The following ABCG1 variants were observed in gnomAD, a reference collection of about 807,000 sequenced individuals.
ABCG1 encodes ATP binding cassette subfamily G member 1, also known as ATP-binding cassette sub-family G member 1.
A neutral mutation model predicts 69.2 loss-of-function variants in ABCG1; 29 were observed. That is an observed-to-expected ratio of 0.42 (90% CI 0.31 to 0.57). ABCG1 has a LOEUF of 0.57. Among genes scored for constraint, ABCG1 ranks in the 20% least tolerant of loss-of-function variants. The pLI is 0.15. For missense variants in ABCG1, 718 were observed against 898.1 expected (o/e 0.80, Z 2.56); for synonymous variants, 370 against 374.8 (o/e 0.99, Z 0.15).
intron 2 of ABCG1, among the ~76,000 whole-genome samples, chr21:42,205,591 C>T (rs1225971624): frequency 6.7e-6 from 1 of 150,260 alleles, no homozygotes; most frequent in Non-Finnish European, 1.5e-5. Context: ...GAGCAAGACT[C>T]CATCTCAAAA....
rs1055587345 is a variant in ABCG1 at position 42,276,015 on chromosome 21, G to A, written c.538-880G>A. Among the ~76,000 whole-genome samples the A allele has an allele frequency of 6.2e-5, 4 of 64,502 alleles. No individual in the cohort carries two copies. Among genetic ancestry groups the A allele is most frequent in the Admixed American group, 3.8e-4 (2 of 5,196 alleles). The allele number at this position is 64,502 out of a possible 152,430, so 42.3% of individuals were successfully genotyped here. On this transcript the variant is annotated intron_variant, in intron 4 of 14. Coordinates refer to ENST00000398449, the MANE Select transcript of ABCG1 (RefSeq NM_016818.3). This position sits in a 1 kb window ranked among gnomAD's most constrained non-coding sequence, Gnocchi z 5.3. ...ACACCCCGCCCCCCTCCCCGCCACCGCCCTGCATCTCACCCTCTCCTCTGA... is the reference window on the plus strand; with the variant it reads ...ACACCCCGCCCCCCTCCCCGCCACCACCCTGCATCTCACCCTCTCCTCTGA...
At chr21:42,206,386 A>AT (rs2067543036) in intron 2 of ABCG1, among the ~76,000 whole-genome samples, 1 of 97,786 alleles carries the variant, frequency 1.0e-5, no homozygotes, top group Non-Finnish European at 2.0e-5. Flanking sequence ...AAATAAATAA[A>AT]CAAACAAACA....
intron 13 of ABCG1, among the ~76,000 whole-genome samples, chr21:42,293,036 T>TACACACACACCACACTACACACA (rs2069105287): frequency 2.8e-5 from 2 of 70,846 alleles, no homozygotes; most frequent in African/African-American, 5.7e-5. Flanking sequence ...CACTACACAC[T>TACACACACACCACACTACACACA]ACACACCACA....
intron 2 of ABCG1, chr21:42,256,512 G>A (rs572363911): frequency 2.0e-5 from 31 of 1,549,610 alleles, no homozygotes; most frequent in South Asian, 9.5e-5. Context: ...GGTCACCTGC[G>A]TGCCTGGGTG....
At chr21:42,232,388 G>A (rs1207305112) in intron 2 of ABCG1, among the ~76,000 whole-genome samples, 2 of 152,220 alleles carry the variant, frequency 1.3e-5, no homozygotes, top group Admixed American at 1.3e-4. Flanking sequence ...CCTTAGTGTG[G>A]CGTTGTTAGC....
At chr21:42,265,671 G>A (rs1377772380) in intron 2 of ABCG1, among the ~76,000 whole-genome samples, 4 of 152,204 alleles carry the variant, frequency 2.6e-5, no homozygotes, top group South Asian at 4.1e-4. Flanking sequence ...GCCCTGGAAA[G>A]GGGTCAGCTC....
intron 6 of ABCG1, 133 bp from the exon 7 acceptor site, chr21:42,284,427 G>A: frequency 9.0e-7 from 1 of 1,115,616 alleles, no homozygotes. Flanking sequence ...AGCCCGGCCT[G>A]GGACGGGGCA....
chr21:42,284,285 ACC>A (rs371145763), intron 6 of ABCG1, among the ~76,000 whole-genome samples: 1 of 139,504 alleles, frequency 7.2e-6, no homozygotes, highest in Admixed American at 7.0e-5. Context: ...ATGAGTGGGG[ACC>A]CCCCCCCAGT....
At chr21:42,215,341 C>G (rs1248030972), upstream of ABCG1, among the ~76,000 whole-genome samples, 1 of 152,222 alleles carries the variant, frequency 6.6e-6, no homozygotes, top group African/African-American at 2.4e-5. Context: ...GCCCCTTTCT[C>G]CCCTTCATGT....
At chr21:42,275,010 G>A (rs1162607492) in intron 4 of ABCG1, among the ~76,000 whole-genome samples, 2 of 152,120 alleles carry the variant, frequency 1.3e-5, no homozygotes, top group African/African-American at 4.8e-5. Context: ...ACCCTAGGGG[G>A]CATCCTCAGC....
chr21:42,201,741 A>G lies in ABCG1; in HGVS notation c.48+18A>G, dbSNP rs770024464. ...GCCCTCAGGTGTGGTCAGAAGAGACAGGGAAGGATTTGGAAGCTAAAGCTC... is the reference window on the plus strand; with the variant it reads ...GCCCTCAGGTGTGGTCAGAAGAGACGGGGAAGGATTTGGAAGCTAAAGCTC... On this transcript the variant is annotated intron_variant, in intron 2 of 15. Coordinates refer to the ABCG1 transcript ENST00000398457. The G allele has an allele frequency of 7.4e-6, 12 of 1,613,816 alleles. No individual in the cohort carries two copies. The South Asian group carries it at 1.2e-4, about 16-fold the overall frequency.
In ABCG1 at chr21:42,273,512, G is replaced by A. The variant is rs879059072; in HGVS notation, c.537+77G>A. ...GCCCACATTAGACACAGCACTGGCCGAGTGCCCAGCTGCGAGGGACCCAAG... is the reference window on the plus strand; with the variant it reads ...GCCCACATTAGACACAGCACTGGCCAAGTGCCCAGCTGCGAGGGACCCAAG... On this transcript the variant is annotated intron_variant, in intron 4 of 14. Coordinates refer to ENST00000398449, the MANE Select transcript of ABCG1 (RefSeq NM_016818.3). The surrounding 1 kb of genome is among the most constrained non-coding windows in gnomAD (Gnocchi z 5.3). 188 of 1,513,516 alleles carry A rather than the reference G, an allele frequency of 1.2e-4. 3 individuals carry two copies. In the South Asian group the frequency reaches 1.6e-3, roughly 13 times the overall value. The allele number at this position is 1,513,516 out of a possible 1,614,324, so 93.8% of individuals were successfully genotyped here.
rs1053221219 is a variant in ABCG1 at position 42,206,285 on chromosome 21, G to A, written c.48+4562G>A. Among the ~76,000 whole-genome samples, 5 of 152,228 alleles carry A rather than the reference G, an allele frequency of 3.3e-5. No individual in the cohort carries two copies. The East Asian group carries it at 9.7e-4, about 29-fold the overall frequency. ...GAATCACTTGAGCCCGGGAGGTGGA[G>A]GTTGCAGTGAGCTGAGATCATGCCC... is the stretch of plus-strand genomic sequence containing the variant. On this transcript the variant is annotated intron_variant, in intron 2 of 15. Coordinates refer to the ABCG1 transcript ENST00000398457.
intron 5 of ABCG1, among the ~76,000 whole-genome samples, chr21:42,278,008 G>A (rs897345953): frequency 1.3e-5 from 2 of 152,226 alleles, no homozygotes; most frequent in African/African-American, 4.8e-5. Flanking sequence ...TGTCACCGGG[G>A]CTGGGGGGTG....
At chr21:42,202,851 G>A (rs1295949058) in intron 2 of ABCG1, among the ~76,000 whole-genome samples, 1 of 152,096 alleles carries the variant, frequency 6.6e-6, no homozygotes, top group East Asian at 1.9e-4. Flanking sequence ...GGGCTCAAGC[G>A]ATCCTCTGGC....
chr21:42,282,562 G>A, intron 6 of ABCG1, 143 bp downstream of exon 6: 2 of 974,000 alleles, frequency 2.1e-6, no homozygotes, highest in Non-Finnish European at 3.0e-6. Context: ...TTCCATCTGG[G>A]ACCACTGGGC....
In ABCG1 at chr21:42,288,373, G is replaced by A. The variant is rs143354110; in HGVS notation, c.1224+61G>A. The A allele has an allele frequency of 8.0e-6, 10 of 1,255,736 alleles. No homozygotes were observed. The highest frequency in any genetic ancestry group is 2.9e-5 in the African/African-American group (2 of 67,922). The allele number at this position is 1,255,736 out of a possible 1,614,324, so 77.8% of individuals were successfully genotyped here. On this transcript the variant is annotated intron_variant, in intron 10 of 14. Coordinates refer to ENST00000398449, the MANE Select transcript of ABCG1 (RefSeq NM_016818.3). This position sits in a 1 kb window ranked among gnomAD's most constrained non-coding sequence, Gnocchi z 4.8. The stretch of plus-strand genomic sequence containing the variant: ...ACCCGTGGGTCATTTTCTCAGACTC[G>A]TCCTGACGGAATGTGTTCGTTCATT...
At chr21:42,238,027 G>A (rs1208903155) in intron 2 of ABCG1, among the ~76,000 whole-genome samples, 1 of 152,226 alleles carries the variant, frequency 6.6e-6, no homozygotes, top group Non-Finnish European at 1.5e-5. Context: ...ACTACAGCCA[G>A]GGCTGGCACA....
intron 6 of ABCG1, 58 bp downstream of exon 6, chr21:42,282,477 C>G: frequency 6.5e-7 from 1 of 1,547,302 alleles, no homozygotes; most frequent in South Asian, 1.2e-5. Flanking sequence ...CTGTATTCAG[C>G]GGTTCTTCCA....
Sources: allele counts gnomAD v4.1 joint callset (sites outside exome capture counted in the v4.1 genomes callset), GRCh38; gene constraint gnomAD v4.1.1; non-coding constraint Gnocchi (gnomAD v3.1); transcripts MANE v1.5; gene names NCBI Gene and HGNC (gene_info 2026-07-23, HGNC 2026-07-21).